The following POMT1 variants were observed in gnomAD, a reference collection of about 807,000 sequenced individuals.
POMT1 encodes protein O-mannosyl-transferase 1.
POMT1 carries 85 observed loss-of-function variants against 101.6 expected under a neutral mutation model. That is an observed-to-expected ratio of 0.84 (90% confidence interval 0.70 to 1.00). POMT1 has a LOEUF of 1.00. Ranked by LOEUF, POMT1 falls within the 50% of genes least tolerant of loss-of-function variation. The pLI is 0.00. For missense variants in POMT1, 857 were observed against 930.4 expected (o/e 0.92, Z 1.03); for synonymous variants, 371 against 383.0 (o/e 0.97, Z 0.37).
chr9:131,507,445 T>C lies in POMT1; in HGVS notation c.358T>C (p.Tyr120His). The change falls in exon 5 of 20, where the codon TAC becomes CAC. Residue 120 changes from tyrosine (Y) to histidine (H), a missense_variant. Physicochemically the swap from Tyr to His is moderately conservative, Grantham distance 83. Transcript: ENST00000402686. ...LAGALSVPMA[Y>H]QIVLELHFSH... Reference sequence around the variant, plus strand: ...GGGGGCCTTGTCGGTCCCCATGGCCTACCAGATAGTGTTGGAGCTCCACTT... The same window carrying C: ...GGGGGCCTTGTCGGTCCCCATGGCCCACCAGATAGTGTTGGAGCTCCACTT... The C allele has an allele frequency of 6.2e-7, 1 of 1,614,216 alleles. No individual in the cohort carries two copies. Among genetic ancestry groups the C allele is most frequent in the African/African-American group, 1.3e-5 (1 of 75,052 alleles).
chr9:131,512,815 T>TCA (rs1947413590), intron 11 of POMT1, among the ~76,000 whole-genome samples: 1 of 152,182 alleles, frequency 6.6e-6, no homozygotes, highest in African/African-American at 2.4e-5. Flanking sequence ...TTTCACCATG[T>TCA]TGGCCAGGCT....
In POMT1 at chr9:131,513,223, G is replaced by A; in HGVS notation, c.1083-16G>A. 5 of 1,609,804 alleles carry A rather than the reference G, an allele frequency of 3.1e-6. No homozygotes were observed. The highest frequency in any genetic ancestry group is 4.2e-6 in the Non-Finnish European group (5 of 1,177,250). On this transcript the variant is annotated splice_polypyrimidine_tract_variant and intron_variant, in intron 11 of 19. Coordinates refer to ENST00000402686, the MANE Select transcript of POMT1 (RefSeq NM_001077365.2). ...GACCAGGCTCTGTGTGGTCCCGACA[G>A]CACTGTGTCTTCCAGGCACCAGCTG... is the stretch of plus-strand genomic sequence containing the variant.
chr9:131,512,942 T>C (rs986176019), intron 11 of POMT1, among the ~76,000 whole-genome samples: 4 of 35,696 alleles, frequency 1.1e-4, no homozygotes, highest in Non-Finnish European at 2.1e-4. Context: ...TGGAATGCCC[T>C]TCAGAAGGAT....
Position 131,523,337 on chromosome 9 carries a change from CT to C in POMT1, c.*232del, listed in dbSNP as rs1457796739. 5.3e-6 allele frequency: 3 copies of C among 564,306 alleles called. No individual in the cohort carries two copies. The highest frequency in any genetic ancestry group is 1.9e-5 in the South Asian group (1 of 51,422). 35.0% of individuals were successfully genotyped at this position (564,306 alleles called of 1,614,324 possible). ...ATAAAGATATTCCGTGTCTTTACCC[CT>C]GAACTAAGACACAGGGAGTATTTCA... On this transcript the variant is annotated 3_prime_UTR_variant, in exon 20 of 20. Transcript: ENST00000402686.
chr9:131,516,608 G>A (rs1948736337), intron 13 of POMT1: 1 of 152,724 alleles, frequency 6.5e-6, no homozygotes, highest in Admixed American at 6.5e-5. Flanking sequence ...GTTTTCACAG[G>A]GAACCGATGC....
intron 7 of POMT1, 28 bp downstream of exon 7, chr9:131,509,836 G>A: frequency 1.9e-6 from 3 of 1,614,220 alleles, no homozygotes; most frequent in South Asian, 2.2e-5. Context: ...GTCTTGGGCA[G>A]TGTCCTCCTC....
rs986866519 is a variant in POMT1, at chr9:131,522,836, G to A, written c.2004-96G>A. The A allele has an allele frequency of 7.7e-7, 1 of 1,302,890 alleles. No individual in the cohort carries two copies. Among genetic ancestry groups the A allele is most frequent in the Non-Finnish European group, 1.1e-6 (1 of 940,926 alleles). The allele number at this position is 1,302,890 out of a possible 1,614,324, so 80.7% of individuals were successfully genotyped here. A position where few individuals can be genotyped will look rare whatever the true frequency, so the allele number is the denominator to read the frequency against. On this transcript the variant is annotated intron_variant, in intron 19 of 19. Transcript: ENST00000402686. The surrounding 1 kb of genome is among the most constrained non-coding windows in gnomAD (Gnocchi z 5.5). ...CCTGAAGGCAGAACCCCAGGCCTCG[G>A]GGGGTGACCGTGTGGACAGCAGATG...
intron 13 of POMT1, among the ~76,000 whole-genome samples, chr9:131,517,309 C>T (rs1318208016): frequency 6.6e-6 from 1 of 151,948 alleles, no homozygotes; most frequent in Non-Finnish European, 1.5e-5. Context: ...TGGCTTACTG[C>T]AGTGTTGGCC....
chr9:131,515,527 G>C lies in POMT1; in HGVS notation c.1272+5G>C. ...GCCCAGAACCTCTGGAGACTGGTGA[G>C]TAAGGCTGCGGCTATAGCAGCCACA... is the stretch of plus-strand genomic sequence containing the variant. On this transcript the variant is annotated splice_donor_5th_base_variant and intron_variant, in intron 13 of 19. Coordinates refer to ENST00000402686, the MANE Select transcript of POMT1 (RefSeq NM_001077365.2). 6 of 1,613,458 alleles carry C rather than the reference G, an allele frequency of 3.7e-6. No individual in the cohort carries two copies. The highest frequency in any genetic ancestry group is 5.1e-6 in the Non-Finnish European group (6 of 1,179,450).
intron 6 of POMT1, 100 bp downstream of exon 6, chr9:131,509,122 A>G: frequency 1.2e-6 from 1 of 846,248 alleles, no homozygotes; most frequent in Non-Finnish European, 2.0e-6. Context: ...TCGTTTTGTG[A>G]GACAGTACCT....
intron 13 of POMT1, among the ~76,000 whole-genome samples, chr9:131,515,731 G>C (rs62580576): frequency 0.021 from 516 of 24,882 alleles, 14 homozygotes; most frequent in Non-Finnish European, 0.029. Flanking sequence ...AGCACTTCCT[G>C]TAACAGGACA....
intron 9 of POMT1, chr9:131,510,830 C>A: frequency 2.9e-6 from 1 of 339,352 alleles, no homozygotes. Flanking sequence ...AAAGTCAAGT[C>A]TTACAAACCC....
intron 6 of POMT1, 45 bp downstream of exon 6, chr9:131,509,067 C>A (rs1221178668): frequency 7.0e-7 from 1 of 1,419,466 alleles, no homozygotes; most frequent in African/African-American, 1.4e-5. Context: ...AACAGAGATT[C>A]TGGGTGGTTT....
chr9:131,507,419 CG>C lies in POMT1; in HGVS notation c.337del (p.Ala113ProfsTer10). 4 of 1,614,208 alleles carry C rather than the reference CG, an allele frequency of 2.5e-6. No individual in the cohort carries two copies. Among genetic ancestry groups the C allele is most frequent in the African/African-American group, 1.3e-5 (1 of 75,052 alleles). On this transcript the variant is annotated frameshift_variant, in exon 5 of 20. Coordinates refer to ENST00000402686, the MANE Select transcript of POMT1 (RefSeq NM_001077365.2). LOFTEE classifies it high-confidence loss of function. ...VWSLRLLPAL[A>X]GALSVPMAYQ... The stretch of plus-strand genomic sequence containing the variant: ...TCCCTGCGCCTGCTGCCAGCACTCG[CG>C]GGGGCCTTGTCGGTCCCCATGGCCT...
chr9:131,512,953 T>TC lies in POMT1; in HGVS notation c.1083-284dup, dbSNP rs75772133. Among the ~76,000 whole-genome samples the TC allele has an allele frequency of 0.89, 135,055 of 152,200 alleles. 60,634 individuals are homozygous for TC. The highest frequency in any genetic ancestry group is 0.97 in the South Asian group (4,686 of 4,826). The stretch of plus-strand genomic sequence containing the variant: ...TTGGTGGAATGCCCTTCAGAAGGAT[T>TC]CCTTGGCAGTCATGGTACATTTGTC... On this transcript the variant is annotated intron_variant, in intron 11 of 19. Transcript: ENST00000402686.
Position 131,522,326 on chromosome 9 carries a change from A to C in POMT1, c.2003+102A>C, listed in dbSNP as rs1229176655. ...GGGTGCAGCGAACCTCACCCATTTCACGTTACACTGACATCCTCCGGGTCC... is the reference window on the plus strand; with the variant it reads ...GGGTGCAGCGAACCTCACCCATTTCCCGTTACACTGACATCCTCCGGGTCC... On this transcript the variant is annotated intron_variant, in intron 19 of 19. Transcript: ENST00000402686. This position sits in a 1 kb window ranked among gnomAD's most constrained non-coding sequence, Gnocchi z 5.5. 17 of 1,566,908 alleles carry C rather than the reference A, an allele frequency of 1.1e-5. No individual in the cohort carries two copies. The South Asian group carries it at 1.4e-4, about 13-fold the overall frequency.
In POMT1 at chr9:131,519,893, C is replaced by T. The variant is rs1421228568; in HGVS notation, c.1585-187C>T. Among the ~76,000 whole-genome samples, 4 of 152,200 alleles carry T rather than the reference C, an allele frequency of 2.6e-5. No individual in the cohort carries two copies. Among genetic ancestry groups the T allele is most frequent in the East Asian group, 3.9e-4 (2 of 5,190 alleles). On this transcript the variant is annotated intron_variant, in intron 16 of 19. Transcript: ENST00000402686. The surrounding 1 kb of genome is among the most constrained non-coding windows in gnomAD (Gnocchi z 4.3). ...AACTGGAGCACATAGGGTGGGGCGACCCTCCCAAGGCCACATTCAGGGCTG... is the reference window on the plus strand; with the variant it reads ...AACTGGAGCACATAGGGTGGGGCGATCCTCCCAAGGCCACATTCAGGGCTG...
Position 131,522,197 on chromosome 9 carries a change from TG to T in POMT1, c.1977del (p.Gln660SerfsTer62). 1 of 1,614,040 alleles carries T rather than the reference TG, an allele frequency of 6.2e-7. No homozygotes were observed. The highest frequency in any genetic ancestry group is 8.5e-7 in the Non-Finnish European group (1 of 1,180,036). ...TFQILLLPVV[L>X]QHISDHLCRS... The stretch of plus-strand genomic sequence containing the variant: ...CAAATCCTTCTGCTCCCTGTGGTCC[TG>T]CAGCACATCAGCGACCACCTGTGCA... On this transcript the variant is annotated frameshift_variant, in exon 19 of 20. Coordinates refer to ENST00000402686, the MANE Select transcript of POMT1 (RefSeq NM_001077365.2). LOFTEE classifies it high-confidence loss of function. This position sits in a 1 kb window ranked among gnomAD's most constrained non-coding sequence, Gnocchi z 5.5.
At chr9:131,512,605 CT>C (rs1467576710) in intron 11 of POMT1, among the ~76,000 whole-genome samples, 1 of 151,950 alleles carries the variant, frequency 6.6e-6, no homozygotes, top group Non-Finnish European at 1.5e-5. Flanking sequence ...TGGGCTTTTT[CT>C]TTTTTTTCTT....
Sources: allele counts gnomAD v4.1 joint callset (sites outside exome capture counted in the v4.1 genomes callset), GRCh38; gene constraint gnomAD v4.1.1; non-coding constraint Gnocchi (gnomAD v3.1); transcripts MANE v1.5; gene names NCBI Gene and HGNC (gene_info 2026-07-23, HGNC 2026-07-21).